FHIT: variants seen among roughly 807,000 people sequenced by gnomAD.
The protein encoded by FHIT is fragile histidine triad diadenosine triphosphatase.
A neutral mutation model predicts 17.9 loss-of-function variants in FHIT; 19 were observed. The ratio of observed to expected loss-of-function variants is 1.06; its 90% CI spans 0.74 to 1.56. The LOEUF (loss-of-function observed/expected upper bound fraction) is 1.56. Ranked by LOEUF, FHIT falls within the 40% of genes most tolerant of loss-of-function variation. FHIT has a pLI of 0.00. For missense variants in FHIT, 248 were observed against 189.2 expected (o/e 1.31, Z -1.82); for synonymous variants, 81 against 69.7 (o/e 1.16, Z -0.81).
intron 5 of FHIT, among the ~76,000 whole-genome samples, chr3:60,146,949 T>C (rs1207037358): frequency 1.3e-5 from 2 of 152,182 alleles, no homozygotes; most frequent in African/African-American, 4.8e-5. Context: ...TGTGAAGATA[T>C]ATAATTGCTG....
At chr3:60,441,781 A>ACAC (rs1265100578) in intron 5 of FHIT, among the ~76,000 whole-genome samples, 17,364 of 24,380 alleles carry the variant, frequency 0.71, 6,278 homozygotes, top group Admixed American at 0.82. Flanking sequence ...TATATGTATA[A>ACAC]AAATATATAT....
intron 3 of FHIT, among the ~76,000 whole-genome samples, chr3:60,922,064 G>A (rs1707315085): frequency 6.6e-6 from 1 of 152,210 alleles, no homozygotes; most frequent in South Asian, 2.1e-4. Context: ...CATTACACAG[G>A]AGGCAAACCT....
intron 5 of FHIT, among the ~76,000 whole-genome samples, chr3:60,483,975 TAA>T (rs543199758): frequency 4.8e-4 from 73 of 152,128 alleles, no homozygotes; most frequent in African/African-American, 1.5e-3. Context: ...GCAATTTCAG[TAA>T]AGTCTCAGGA....
chr3:61,215,947 G>A (rs2039660468), intron 1 of FHIT, among the ~76,000 whole-genome samples: 1 of 151,326 alleles, frequency 6.6e-6, no homozygotes, highest in Non-Finnish European at 1.5e-5. Flanking sequence ...GCCATATGTA[G>A]AAAGCTGAAA....
chr3:60,027,157 T>G (rs1225189940), intron 5 of FHIT, among the ~76,000 whole-genome samples: 1 of 114,052 alleles, frequency 8.8e-6, no homozygotes, highest in Non-Finnish European at 1.8e-5. Context: ...ACAAAATTAG[T>G]AAACCCAATA....
At chr3:60,332,667 G>T (rs778786408) in intron 5 of FHIT, among the ~76,000 whole-genome samples, 3 of 152,094 alleles carry the variant, frequency 2.0e-5, no homozygotes, top group Non-Finnish European at 4.4e-5. Flanking sequence ...ATGTGAAAAG[G>T]CAACTATTTT....
At chr3:60,604,642 C>T (rs1174331074) in intron 4 of FHIT, among the ~76,000 whole-genome samples, 3 of 152,146 alleles carry the variant, frequency 2.0e-5, no homozygotes, top group Non-Finnish European at 4.4e-5. Context: ...CTATTCCACT[C>T]ATCAGCTCCC....
At chr3:60,943,268 C>T (rs1553774972) in intron 3 of FHIT, among the ~76,000 whole-genome samples, 1 of 151,938 alleles carries the variant, frequency 6.6e-6, no homozygotes, top group East Asian at 1.9e-4. Context: ...TCAATTTTTA[C>T]TTTCTATATT....
At chr3:61,077,417 G>T (rs2035003418) in intron 2 of FHIT, among the ~76,000 whole-genome samples, 1 of 151,804 alleles carries the variant, frequency 6.6e-6, no homozygotes, top group African/African-American at 2.4e-5. Context: ...AAGTCAAAAA[G>T]GTAATTTGGC....
At chr3:59,880,557 T>TGC (rs1703366360) in intron 8 of FHIT, among the ~76,000 whole-genome samples, 2 of 152,200 alleles carry the variant, frequency 1.3e-5, no homozygotes, top group Non-Finnish European at 2.9e-5. Flanking sequence ...CACAACTAAG[T>TGC]ACCTGTGTCC....
intron 8 of FHIT, among the ~76,000 whole-genome samples, chr3:59,767,236 C>T (rs34867216): frequency 2.6e-5 from 4 of 152,032 alleles, no homozygotes; most frequent in South Asian, 2.1e-4. Flanking sequence ...CGGTGGCTCA[C>T]GCCTGTAATC....
chr3:61,088,508 C>T (rs1177359820), intron 2 of FHIT, among the ~76,000 whole-genome samples: 1 of 152,044 alleles, frequency 6.6e-6, no homozygotes, highest in Non-Finnish European at 1.5e-5. Context: ...GATAAAGAGC[C>T]TTTGTGAAAT....
At position 59,752,296 on chromosome 3, in the gene FHIT, AAGTCCTCCTTGTCAT is replaced by A; in HGVS notation, c.359_373del (p.His120_Phe125delinsLeu). The A allele has an allele frequency of 6.2e-7, 1 of 1,613,008 alleles. No homozygotes were observed. Among genetic ancestry groups the A allele is most frequent in the Non-Finnish European group, 8.5e-7 (1 of 1,179,558 alleles). ...CTCCTCTGATCTCCAAGAGGCAGGA[AAGTCCTCCTTGTCAT>A]GTTTCTGGAGCTTTGGAGAAAAAAA... is the stretch of plus-strand genomic sequence containing the variant. On this transcript the variant is annotated inframe_deletion, in exon 9 of 10. Coordinates refer to ENST00000492590, the MANE Select transcript of FHIT (RefSeq NM_002012.4).
chr3:59,826,713 G>A (rs1395448372), intron 8 of FHIT, among the ~76,000 whole-genome samples: 2 of 152,254 alleles, frequency 1.3e-5, no homozygotes, highest in South Asian at 2.1e-4. Context: ...TGGATGTGTG[G>A]CATGCCTGGC....
chr3:60,228,438 G>A (rs1704321083), intron 5 of FHIT, among the ~76,000 whole-genome samples: 1 of 152,046 alleles, frequency 6.6e-6, no homozygotes, highest in Non-Finnish European at 1.5e-5. Context: ...AAAAGCCACT[G>A]AATTGCATAC....
At chr3:59,753,711 C>T (rs546322157) in intron 8 of FHIT, among the ~76,000 whole-genome samples, 31 of 152,290 alleles carry the variant, frequency 2.0e-4, no homozygotes, top group African/African-American at 7.0e-4. Context: ...TACATTATTT[C>T]GTTTAATCCT....
intron 4 of FHIT, among the ~76,000 whole-genome samples, chr3:60,731,039 G>C (rs530249498): frequency 2.0e-5 from 3 of 152,216 alleles, no homozygotes; most frequent in Non-Finnish European, 2.9e-5. Flanking sequence ...GCTGAGGCAG[G>C]AGAATTGCTT....
At chr3:60,172,414 C>T (rs1227512161) in intron 5 of FHIT, among the ~76,000 whole-genome samples, 2 of 151,806 alleles carry the variant, frequency 1.3e-5, no homozygotes, top group East Asian at 1.9e-4. Flanking sequence ...TACAGGCATG[C>T]ACCACCACGC....
At chr3:60,431,121 G>T (rs1702879875) in intron 5 of FHIT, among the ~76,000 whole-genome samples, 2 of 151,606 alleles carry the variant, frequency 1.3e-5, no homozygotes, top group Admixed American at 1.3e-4. Context: ...TGAGACAGAA[G>T]AATAGCTTGA....
Sources: allele counts gnomAD v4.1 joint callset (sites outside exome capture counted in the v4.1 genomes callset), GRCh38; gene constraint gnomAD v4.1.1; transcripts MANE v1.5; gene names NCBI Gene and HGNC (gene_info 2026-07-23, HGNC 2026-07-21).